INIP: variants seen among roughly 807,000 people sequenced by gnomAD.
INIP encodes SOSS complex subunit C.
INIP carries 9 observed loss-of-function variants against 14.0 expected under a neutral mutation model. The ratio of observed to expected loss-of-function variants is 0.64; its 90% CI spans 0.39 to 1.12. The LOEUF (loss-of-function observed/expected upper bound fraction) is 1.12, where lower values mean the gene tolerates loss of function less well. INIP is among the 50% of genes most tolerant of loss of function. INIP has a pLI of 0.01. For synonymous variants in INIP, 37 were observed against 41.5 expected (o/e 0.89, Z 0.41); for missense variants, 78 against 122.7 (o/e 0.64, Z 1.72).
chr9:112,717,327 G>A (rs1220509460), intron 1 of INIP, among the ~76,000 whole-genome samples: 1 of 152,080 alleles, frequency 6.6e-6, no homozygotes, highest in Non-Finnish European at 1.5e-5. Context: ...CTCGAAATTA[G>A]TTCCTTTATT....
chr9:112,693,063 G>C (rs1837951402), intron 3 of INIP, among the ~76,000 whole-genome samples: 1 of 149,872 alleles, frequency 6.7e-6, no homozygotes, highest in African/African-American at 2.5e-5. Flanking sequence ...AGGCTATGAA[G>C]TCTATAGGGA....
At chr9:112,697,261 C>A (rs1015875575) in intron 2 of INIP, among the ~76,000 whole-genome samples, 3 of 152,158 alleles carry the variant, frequency 2.0e-5, no homozygotes, top group African/African-American at 7.2e-5. Flanking sequence ...GTAATCCCAG[C>A]ATTTTGGGAG....
At chr9:112,716,340 C>A in intron 2 of INIP, 121 bp downstream of exon 2, 4 of 883,278 alleles carry the variant, frequency 4.5e-6, no homozygotes, top group East Asian at 2.6e-5. Context: ...CCGCTCCCGG[C>A]CTGCTATTCA....
At chr9:112,715,137 C>T (rs758413288) in intron 2 of INIP, among the ~76,000 whole-genome samples, 3 of 51,670 alleles carry the variant, frequency 5.8e-5, no homozygotes, top group South Asian at 4.6e-4. Context: ...CATACATACA[C>T]ACACACACAC....
chr9:112,696,016 T>C (rs1216885263), intron 2 of INIP, among the ~76,000 whole-genome samples: 1 of 151,736 alleles, frequency 6.6e-6, no homozygotes, highest in African/African-American at 2.4e-5. Flanking sequence ...GTCTCCCAAG[T>C]TGCTAAGACT....
chr9:112,687,535 T>G lies in INIP; in HGVS notation c.*3A>C. The G allele has an allele frequency of 6.3e-7, 1 of 1,582,292 alleles. No homozygotes were observed. On this transcript the variant is annotated 3_prime_UTR_variant, in exon 5 of 5. Coordinates refer to ENST00000374242, the MANE Select transcript of INIP (RefSeq NM_021218.3). ...AGTCACTTTTCCATCGCAAATGTTT[T>G]CTTCATTCTGGGTCAAGGCGAGGTA...
chr9:112,702,538 T>A lies in INIP; in HGVS notation c.26-8305A>T, dbSNP rs1018910102. Reference sequence around the variant, plus strand: ...AGAGAAAAGTTGTGCAAAACGCTCATGTTCCAAGTAATGTAAGAATTTTTT... The same window carrying A: ...AGAGAAAAGTTGTGCAAAACGCTCAAGTTCCAAGTAATGTAAGAATTTTTT... On this transcript the variant is annotated intron_variant, in intron 2 of 4. Transcript: ENST00000374242. 3.3e-5 allele frequency among the ~76,000 whole-genome samples: 5 copies of A among 152,136 alleles called. No individual in the cohort carries two copies. The South Asian group carries it at 8.3e-4, about 25-fold the overall frequency.
intron 2 of INIP, among the ~76,000 whole-genome samples, chr9:112,713,682 C>A (rs574818559): frequency 4.6e-4 from 70 of 151,142 alleles, no homozygotes; most frequent in Non-Finnish European, 9.0e-4. Flanking sequence ...AGAACAAGAC[C>A]CTGTCTCTTA....
chr9:112,698,303 C>CAAAAAAA (rs755265359), intron 2 of INIP, among the ~76,000 whole-genome samples: 83 of 43,616 alleles, frequency 1.9e-3, no homozygotes, highest in East Asian at 2.9e-3. Flanking sequence ...GACTCTGTCT[C>CAAAAAAA]AAAAAAAAAA....
chr9:112,716,712 C>A (rs1311342428), intron 1 of INIP, among the ~76,000 whole-genome samples, 171 bp from the exon 2 acceptor site: 2 of 151,858 alleles, frequency 1.3e-5, no homozygotes, highest in Non-Finnish European at 2.9e-5. Context: ...TTTGGGAGGC[C>A]GAGGCGGGCG....
intron 2 of INIP, among the ~76,000 whole-genome samples, chr9:112,706,659 T>C (rs1838478659): frequency 6.6e-6 from 1 of 152,212 alleles, no homozygotes; most frequent in African/African-American, 2.4e-5. Context: ...ACATGAGGGT[T>C]TCTTTTTAAC....
intron 2 of INIP, among the ~76,000 whole-genome samples, chr9:112,703,321 A>C (rs925086160): frequency 6.6e-6 from 1 of 152,196 alleles, no homozygotes; most frequent in Non-Finnish European, 1.5e-5. Flanking sequence ...TAAGAGAAAC[A>C]TGGTCTCCTG....
intron 2 of INIP, among the ~76,000 whole-genome samples, chr9:112,701,426 A>G (rs368672916): frequency 6.6e-6 from 1 of 152,276 alleles, no homozygotes; most frequent in African/African-American, 2.4e-5. Flanking sequence ...TGCTCTTACA[A>G]TGAATCAGAT....
At chr9:112,701,106 G>A (rs1055186768) in intron 2 of INIP, among the ~76,000 whole-genome samples, 5 of 152,042 alleles carry the variant, frequency 3.3e-5, no homozygotes, top group African/African-American at 9.7e-5. Context: ...TGGGCAGTTC[G>A]AGACCAGCCT....
intron 2 of INIP, among the ~76,000 whole-genome samples, chr9:112,695,853 GAGA>G (rs148002688): frequency 6.2e-4 from 93 of 150,040 alleles, no homozygotes; most frequent in African/African-American, 2.0e-3. Flanking sequence ...GAAGAAGAAG[GAGA>G]AGAAGAAGGA....
chr9:112,704,116 G>A (rs1436601210), intron 2 of INIP, among the ~76,000 whole-genome samples: 3 of 152,142 alleles, frequency 2.0e-5, no homozygotes, highest in Admixed American at 2.0e-4. Flanking sequence ...AGAATTGTGT[G>A]CGACTAAGCC....
chr9:112,716,558 C>T lies in INIP; in HGVS notation c.-56-17G>A. The T allele has an allele frequency of 5.9e-6, 7 of 1,177,552 alleles. No homozygotes were observed. The highest frequency in any genetic ancestry group is 8.9e-6 in the Non-Finnish European group (7 of 782,872). 72.9% of individuals were successfully genotyped at this position (1,177,552 alleles called of 1,614,324 possible). A position where few individuals can be genotyped will look rare whatever the true frequency, so the allele number is the denominator to read the frequency against. ...CACAATCACCTATAAAATATGTGTACACACATATACAATGCACCATATTTT... is the reference window on the plus strand; with the variant it reads ...CACAATCACCTATAAAATATGTGTATACACATATACAATGCACCATATTTT... On this transcript the variant is annotated splice_polypyrimidine_tract_variant and intron_variant, in intron 1 of 4. Transcript: ENST00000374242.
Position 112,712,584 on chromosome 9 carries a change from G to GA in INIP, c.25+3876dup, listed in dbSNP as rs533480834. 2.4e-4 allele frequency among the ~76,000 whole-genome samples: 36 copies of GA among 152,208 alleles called. No homozygotes were observed. In the South Asian group the frequency reaches 7.5e-3, roughly 32 times the overall value. On this transcript the variant is annotated intron_variant, in intron 2 of 4. Coordinates refer to ENST00000374242, the MANE Select transcript of INIP (RefSeq NM_021218.3). ...TATAAATATGTTCAAAGACTTAAGG[G>GA]AAAAAGACATAATAAATAAAAGGGG...
At chr9:112,712,815 T>C (rs117558962) in intron 2 of INIP, among the ~76,000 whole-genome samples, 1,809 of 152,224 alleles carry the variant, frequency 0.012, 15 homozygotes, top group Non-Finnish European at 0.021. Flanking sequence ...CTTGGAGTAT[T>C]TGAATAATGG....
Sources: allele counts gnomAD v4.1 joint callset (sites outside exome capture counted in the v4.1 genomes callset), GRCh38; gene constraint gnomAD v4.1.1; transcripts MANE v1.5; gene names NCBI Gene and HGNC (gene_info 2026-07-23, HGNC 2026-07-21).